The following ZFYVE9 variants were observed in gnomAD, a reference collection of about 807,000 sequenced individuals.
ZFYVE9 encodes zinc finger FYVE domain-containing protein 9.
In ZFYVE9, 43 loss-of-function variants were observed where a neutral mutation model predicts 126.7. The observed-to-expected ratio is 0.34, with a 90% CI of 0.27 to 0.44. ZFYVE9 has a LOEUF of 0.44. Ranked by LOEUF, ZFYVE9 falls within the 20% of genes least tolerant of loss-of-function variation. ZFYVE9 has a pLI of 1.00. For synonymous variants in ZFYVE9, 521 were observed against 597.4 expected (o/e 0.87, Z 1.87); for missense variants, 1,476 against 1,697.0 (o/e 0.87, Z 2.29).
chr1:52,181,583 A>C (rs1486395476), intron 1 of ZFYVE9, among the ~76,000 whole-genome samples: 12 of 115,718 alleles, frequency 1.0e-4, no homozygotes, highest in Admixed American at 1.8e-4. Context: ...CTGGCTGCCC[A>C]GTCTGGAAAG....
At chr1:52,302,762 A>G (rs537673928) in intron 12 of ZFYVE9, among the ~76,000 whole-genome samples, 1 of 151,928 alleles carries the variant, frequency 6.6e-6, no homozygotes, top group South Asian at 2.1e-4. Context: ...GGAAAAAAAA[A>G]AAAATCTGTA....
intron 13 of ZFYVE9, among the ~76,000 whole-genome samples, chr1:52,327,740 G>A (rs979873007): frequency 2.0e-5 from 3 of 152,160 alleles, no homozygotes; most frequent in African/African-American, 7.2e-5. Context: ...TTGGGAGGCC[G>A]AGGTGGGTGG....
At chr1:52,213,966 T>C (rs2124590831) in intron 1 of ZFYVE9, among the ~76,000 whole-genome samples, 1 of 152,256 alleles carries the variant, frequency 6.6e-6, no homozygotes, top group Non-Finnish European at 1.5e-5. Flanking sequence ...AAAGAATGAT[T>C]AGTTTTGCAG....
chr1:52,288,941 A>AG lies in ZFYVE9; in HGVS notation c.3026-4512_3026-4511insG, dbSNP rs200243165. ...ACTCTGTCTCAAAAAAAAAAAAAAAAAAAAAGAAAAAGAAATATTAGTATT... is the reference window on the plus strand; with the variant it reads ...ACTCTGTCTCAAAAAAAAAAAAAAAAGAAAAAGAAAAAGAAATATTAGTATT... On this transcript the variant is annotated intron_variant, in intron 10 of 18. Coordinates refer to ENST00000287727, the MANE Select transcript of ZFYVE9 (RefSeq NM_004799.4). Among the ~76,000 whole-genome samples the AG allele has an allele frequency of 9.8e-3, 1,381 of 140,548 alleles. 20 individuals are homozygous for AG. Among genetic ancestry groups the AG allele is most frequent in the African/African-American group, 0.04 (1,306 of 32,426 alleles). The allele number at this position is 140,548 out of a possible 152,430, so 92.2% of individuals were successfully genotyped here.
At chr1:52,205,325 T>A (rs1557456083) in intron 1 of ZFYVE9, among the ~76,000 whole-genome samples, 1 of 152,026 alleles carries the variant, frequency 6.6e-6, no homozygotes, top group Non-Finnish European at 1.5e-5. Context: ...TCTGACCACC[T>A]CAGCTTCCCA....
At chr1:52,286,294 G>T (rs1645858300) in intron 10 of ZFYVE9, among the ~76,000 whole-genome samples, 1 of 152,012 alleles carries the variant, frequency 6.6e-6, no homozygotes, top group Non-Finnish European at 1.5e-5. Flanking sequence ...GGGTTATTCT[G>T]CCCTAAATCA....
At chr1:52,180,144 C>T (rs1644683923) in intron 1 of ZFYVE9, 1 of 1,158,134 alleles carries the variant, frequency 8.6e-7, no homozygotes, top group Non-Finnish European at 1.3e-6. Flanking sequence ...GGATTATGTT[C>T]AAGAAGTTAC....
chr1:52,164,573 A>G (rs926163795), intron 1 of ZFYVE9, among the ~76,000 whole-genome samples: 7 of 152,278 alleles, frequency 4.6e-5, no homozygotes, highest in South Asian at 2.1e-4. Flanking sequence ...CACCGAGCCA[A>G]CAATGAATAT....
chr1:52,164,650 G>A (rs550834369), intron 1 of ZFYVE9, among the ~76,000 whole-genome samples: 5 of 151,888 alleles, frequency 3.3e-5, no homozygotes, highest in African/African-American at 1.2e-4. Flanking sequence ...CCGTCCATCC[G>A]TCCATCCATC....
intron 10 of ZFYVE9, among the ~76,000 whole-genome samples, chr1:52,282,245 T>C (rs1322402801): frequency 2.0e-5 from 3 of 151,646 alleles, no homozygotes; most frequent in Non-Finnish European, 4.4e-5. Flanking sequence ...ATTGTAAATA[T>C]TAACTGTAAC....
intron 11 of ZFYVE9, 131 bp from the exon 12 acceptor site, chr1:52,295,764 T>C (rs887684433): frequency 2.9e-6 from 2 of 694,894 alleles, no homozygotes; most frequent in Non-Finnish European, 4.7e-6. Context: ...CAAATACTTT[T>C]TGAGCCCAAA....
intron 5 of ZFYVE9, among the ~76,000 whole-genome samples, chr1:52,265,971 T>G (rs948157174): frequency 2.0e-5 from 3 of 152,216 alleles, no homozygotes; most frequent in African/African-American, 4.8e-5. Context: ...AAGTTTCAAA[T>G]TCTTAAAGTT....
intron 16 of ZFYVE9, among the ~76,000 whole-genome samples, chr1:52,338,776 C>T (rs1337907712): frequency 6.6e-6 from 1 of 152,172 alleles, no homozygotes; most frequent in African/African-American, 2.4e-5. Flanking sequence ...CTTTGGGAGG[C>T]TGAGGCAGGT....
At chr1:52,314,718 G>A (rs1052922494) in intron 13 of ZFYVE9, among the ~76,000 whole-genome samples, 1 of 152,114 alleles carries the variant, frequency 6.6e-6, no homozygotes, top group African/African-American at 2.4e-5. Context: ...TACTTGGGAG[G>A]CTAAGGCAGG....
At position 52,337,947 on chromosome 1, in the gene ZFYVE9, C is replaced by T. The variant is rs779049587; in HGVS notation, c.3833+13C>T. On this transcript the variant is annotated intron_variant, in intron 16 of 18. Coordinates refer to ENST00000287727, the MANE Select transcript of ZFYVE9 (RefSeq NM_004799.4). ...ACGTTAGCAAGGGGTAAATGCAGCA[C>T]ATGTCCCCCTTTGTGGCTTTTAGTT... 26 of 1,611,978 alleles carry T rather than the reference C, an allele frequency of 1.6e-5. No homozygotes were observed. In the Admixed American group the frequency reaches 3.8e-4, roughly 24 times the overall value.
At chr1:52,177,251 G>A (rs1644643464) in intron 1 of ZFYVE9, among the ~76,000 whole-genome samples, 1 of 151,684 alleles carries the variant, frequency 6.6e-6, no homozygotes. Flanking sequence ...CCAGGTTCAA[G>A]CACTTCTCCT....
intron 1 of ZFYVE9, among the ~76,000 whole-genome samples, chr1:52,182,121 A>G (rs1238278242): frequency 6.8e-6 from 1 of 147,060 alleles, no homozygotes; most frequent in Non-Finnish European, 1.5e-5. Context: ...CGTCCAGGAG[A>G]GAGGTGGGGG....
At chr1:52,321,640 A>G (rs1477834580) in intron 13 of ZFYVE9, among the ~76,000 whole-genome samples, 2 of 152,096 alleles carry the variant, frequency 1.3e-5, no homozygotes, top group Non-Finnish European at 2.9e-5. Flanking sequence ...GAGTGGTTCT[A>G]CTACACTGGA....
At chr1:52,162,332 C>A in intron 1 of ZFYVE9, 1 of 392,806 alleles carries the variant, frequency 2.5e-6, no homozygotes, top group South Asian at 2.5e-5. Context: ...AGAATCTCGA[C>A]GTCTGTGACC....
Sources: allele counts gnomAD v4.1 joint callset (sites outside exome capture counted in the v4.1 genomes callset), GRCh38; gene constraint gnomAD v4.1.1; transcripts MANE v1.5; gene names NCBI Gene and HGNC (gene_info 2026-07-23, HGNC 2026-07-21).